Variants in DGKI observed in about 807,000 individuals in gnomAD.
DGKI encodes the protein DAG kinase iota.
A neutral mutation model predicts 147.5 loss-of-function variants in DGKI; 55 were observed. The observed-to-expected ratio is 0.37, with a 90% CI of 0.30 to 0.47. The LOEUF (loss-of-function observed/expected upper bound fraction) is 0.47, where lower values mean the gene tolerates loss of function less well. DGKI is among the 20% of genes least tolerant of loss of function. The probability of loss-of-function intolerance (pLI) is 1.00; values close to 1 mark genes in which losing one functional copy is unlikely to be tolerated. For missense variants in DGKI, 1,007 were observed against 1,323.8 expected, an observed-to-expected ratio of 0.76 and a Z score of 3.71; for synonymous variants, 469 against 477.1, an observed-to-expected ratio of 0.98 and a Z score of 0.22.
Position 137,555,061 on chromosome 7 carries a change from C to T in DGKI, c.1948-2493G>A, listed in dbSNP as rs1032561293. 4.0e-5 allele frequency among the ~76,000 whole-genome samples: 6 copies of T among 151,290 alleles called. No individual in the cohort carries two copies. The East Asian group carries it at 1.2e-3, about 30-fold the overall frequency. The stretch of plus-strand genomic sequence containing the variant: ...CCCCCTGAGTAGCTGGGACTACAGG[C>T]ATGTGCCACCACACCCGGCTAATTT... On this transcript the variant is annotated intron_variant, in intron 19 of 32. Transcript: ENST00000614521.
rs1562985480 is a variant in DGKI at position 137,381,283 on chromosome 7, A to G, written c.*9937T>C. 2.2e-4 allele frequency: 1 copy of G among 4,590 alleles called. No individual in the cohort carries two copies. The highest frequency in any genetic ancestry group is 1.3e-3 in the Admixed American group (1 of 766). The allele number at this position is 4,590 out of a possible 1,614,324, so 0.3% of individuals were successfully genotyped here. On this transcript the variant is annotated 3_prime_UTR_variant, in exon 33 of 33. Coordinates refer to ENST00000614521, the MANE Select transcript of DGKI (RefSeq NM_001321708.2). ...AAAAAACTTCATTCTTCCCTTTCCC[A>G]TCCCACCCCCCCCCCCCCACCCACC...
intron 2 of DGKI, 136 bp from the exon 3 acceptor site, chr7:137,678,788 T>C (rs1322176392): frequency 2.7e-6 from 2 of 744,152 alleles, no homozygotes; most frequent in African/African-American, 3.5e-5. Flanking sequence ...CCACTAAAAG[T>C]ACTGCTAGAG....
intron 29 of DGKI, among the ~76,000 whole-genome samples, 180 bp downstream of exon 29, chr7:137,411,990 C>T (rs1812180266): frequency 6.6e-6 from 1 of 152,096 alleles, no homozygotes; most frequent in South Asian, 2.1e-4. Flanking sequence ...GAGACAAGTA[C>T]CCCGGTGCTC....
At chr7:137,595,577 G>A (rs1323717126) in intron 12 of DGKI, among the ~76,000 whole-genome samples, 2 of 152,132 alleles carry the variant, frequency 1.3e-5, no homozygotes, top group Non-Finnish European at 2.9e-5. Flanking sequence ...TCACAAGTGT[G>A]TGGACTTGGC....
At chr7:137,476,895 A>G (rs1466902040) in intron 23 of DGKI, among the ~76,000 whole-genome samples, 3 of 152,332 alleles carry the variant, frequency 2.0e-5, no homozygotes, top group Non-Finnish European at 4.4e-5. Flanking sequence ...TACAGCTTCT[A>G]GAGGAATTAT....
chr7:137,485,460 G>A, intron 22 of DGKI, 42 bp from the exon 23 acceptor site: 3 of 1,493,620 alleles, frequency 2.0e-6, no homozygotes, highest in South Asian at 2.5e-5. Context: ...CTTAAAATTA[G>A]TTTGAACAAG....
intron 20 of DGKI, among the ~76,000 whole-genome samples, chr7:137,536,530 T>C (rs1255839328): frequency 6.6e-6 from 1 of 152,132 alleles, no homozygotes; most frequent in Non-Finnish European, 1.5e-5. Flanking sequence ...ATCCACCTCA[T>C]GTTACAGATT....
intron 19 of DGKI, among the ~76,000 whole-genome samples, chr7:137,554,485 C>G (rs537157804): frequency 2.0e-5 from 3 of 152,190 alleles, no homozygotes; most frequent in Non-Finnish European, 4.4e-5. Context: ...AAAACTGAGA[C>G]AGTCCCTGAC....
chr7:137,823,061 CAA>C (rs113953441), intron 1 of DGKI, among the ~76,000 whole-genome samples: 6 of 133,460 alleles, frequency 4.5e-5, no homozygotes, highest in Admixed American at 7.5e-5. Context: ...TCCCCCAACC[CAA>C]AAAAAAAAAA....
At chr7:137,471,117 C>A (rs764876134) in intron 23 of DGKI, among the ~76,000 whole-genome samples, 13 of 152,102 alleles carry the variant, frequency 8.5e-5, no homozygotes, top group Non-Finnish European at 1.6e-4. Flanking sequence ...GAGGAGAGCA[C>A]CTTCTAGTTT....
intron 3 of DGKI, among the ~76,000 whole-genome samples, chr7:137,663,784 T>C (rs1822530887): frequency 6.6e-6 from 1 of 152,052 alleles, no homozygotes; most frequent in African/African-American, 2.4e-5. Flanking sequence ...GAGGTGGAGA[T>C]TTCTCTGTGT....
chr7:137,456,006 G>C (rs893213081), intron 27 of DGKI, among the ~76,000 whole-genome samples: 1 of 152,150 alleles, frequency 6.6e-6, no homozygotes, highest in African/African-American at 2.4e-5. Flanking sequence ...GAGAAAACAA[G>C]AGTGTTGGTG....
chr7:137,762,514 T>C (rs1279762052), intron 1 of DGKI, among the ~76,000 whole-genome samples: 3 of 152,260 alleles, frequency 2.0e-5, no homozygotes, highest in African/African-American at 7.2e-5. Flanking sequence ...CTGCCATTGA[T>C]GAGCATTGCA....
At chr7:137,666,042 C>G (rs1032701386) in intron 3 of DGKI, among the ~76,000 whole-genome samples, 1 of 152,150 alleles carries the variant, frequency 6.6e-6, no homozygotes, top group Non-Finnish European at 1.5e-5. Context: ...GTTTTGAGCA[C>G]TGGATTAAGT....
intron 20 of DGKI, among the ~76,000 whole-genome samples, chr7:137,524,507 A>G (rs1817073698): frequency 6.6e-6 from 1 of 152,106 alleles, no homozygotes; most frequent in African/African-American, 2.4e-5. Flanking sequence ...AGTAGGGAGG[A>G]AAAAATTTAC....
chr7:137,718,192 C>T (rs1296301892), intron 1 of DGKI, among the ~76,000 whole-genome samples: 1 of 152,194 alleles, frequency 6.6e-6, no homozygotes, highest in Admixed American at 6.5e-5. Flanking sequence ...CTTTGTCGGA[C>T]AGCATGTGGG....
intron 1 of DGKI, among the ~76,000 whole-genome samples, chr7:137,831,422 G>A (rs559381016): frequency 6.6e-5 from 10 of 152,284 alleles, no homozygotes; most frequent in African/African-American, 2.2e-4. Context: ...CGTGGCAGAC[G>A]GCAAGGAGGA....
intron 20 of DGKI, among the ~76,000 whole-genome samples, chr7:137,523,451 T>TCTCTCA (rs139843465): frequency 0.022 from 3,376 of 151,056 alleles, 57 homozygotes; most frequent in South Asian, 0.072. Flanking sequence ...TCTCTCTCTC[T>TCTCTCA]CACACACACA....
chr7:137,638,595 C>T lies in DGKI; in HGVS notation c.804+6877G>A, dbSNP rs1177813064. On this transcript the variant is annotated intron_variant, in intron 6 of 32. Transcript: ENST00000614521. ...ATATATGTATATATACACATATATACATATATGTATATATATACACACACA... is the reference window on the plus strand; with the variant it reads ...ATATATGTATATATACACATATATATATATATGTATATATATACACACACA... 1.3e-3 allele frequency among the ~76,000 whole-genome samples: 11 copies of T among 8,770 alleles called. 2 individuals are homozygous for T. Among genetic ancestry groups the T allele is most frequent in the Non-Finnish European group, 1.7e-3 (6 of 3,524 alleles). The allele number at this position is 8,770 out of a possible 152,430, so 5.8% of individuals were successfully genotyped here.
Sources: allele counts gnomAD v4.1 joint callset (sites outside exome capture counted in the v4.1 genomes callset), GRCh38; gene constraint gnomAD v4.1.1; transcripts MANE v1.5; gene names NCBI Gene and HGNC (gene_info 2026-07-23, HGNC 2026-07-21).